RARB: variants seen among roughly 807,000 people sequenced by gnomAD.
RARB encodes retinoic acid receptor beta.
RARB carries 17 observed loss-of-function variants against 51.9 expected under a neutral mutation model. The ratio of observed to expected loss-of-function variants is 0.33; its 90% CI spans 0.22 to 0.49. The LOEUF (loss-of-function observed/expected upper bound fraction) is 0.49, where lower values mean the gene tolerates loss of function less well. Ranked by LOEUF, RARB falls within the 20% of genes least tolerant of loss-of-function variation. The pLI is 0.99. For missense variants in RARB, 369 were observed against 550.8 expected (o/e 0.67, Z 3.30); for synonymous variants, 215 against 195.4 (o/e 1.10, Z -0.84).
intron 5 of RARB, among the ~76,000 whole-genome samples, chr3:25,330,723 T>C (rs1361456352): frequency 6.6e-6 from 1 of 152,130 alleles, no homozygotes; most frequent in East Asian, 1.9e-4. Context: ...ACTGGCAAAT[T>C]GGATAAAGAG....
chr3:24,883,356 T>TTGTGTATG (rs1703207535), intron 2 of RARB, among the ~76,000 whole-genome samples: 1 of 143,672 alleles, frequency 7.0e-6, no homozygotes, highest in Admixed American at 7.0e-5. Flanking sequence ...TCAACAATCA[T>TTGTGTATG]TGTGTGTGTG....
At chr3:25,063,522 T>A (rs942615826) in intron 3 of RARB, among the ~76,000 whole-genome samples, 1 of 151,240 alleles carries the variant, frequency 6.6e-6, no homozygotes, top group Non-Finnish European at 1.5e-5. Context: ...TAAATGCACA[T>A]AAGGTAAAAA....
chr3:25,220,974 C>T (rs1028748483), intron 5 of RARB, among the ~76,000 whole-genome samples: 3 of 151,678 alleles, frequency 2.0e-5, no homozygotes, highest in Non-Finnish European at 2.9e-5. Context: ...TTATGTATGA[C>T]ATTTTTCTTT....
intron 3 of RARB, among the ~76,000 whole-genome samples, chr3:25,506,448 T>G (rs1697602636): frequency 6.6e-6 from 1 of 151,608 alleles, no homozygotes; most frequent in Non-Finnish European, 1.5e-5. Context: ...TCTACAAAAT[T>G]TTTTTAAAAA....
At chr3:24,963,833 A>G (rs1696196025) in intron 2 of RARB, among the ~76,000 whole-genome samples, 1 of 152,110 alleles carries the variant, frequency 6.6e-6, no homozygotes, top group Non-Finnish European at 1.5e-5. Flanking sequence ...AGGTGCAAAC[A>G]ATATTTGATT....
chr3:25,177,911 C>T (rs1048460704), intron 5 of RARB, among the ~76,000 whole-genome samples: 4 of 151,994 alleles, frequency 2.6e-5, no homozygotes, highest in Non-Finnish European at 2.9e-5. Context: ...AGAATGAAGT[C>T]GAAGTCTAAA....
chr3:24,895,529 C>T (rs1703459762), intron 2 of RARB, among the ~76,000 whole-genome samples: 1 of 151,864 alleles, frequency 6.6e-6, no homozygotes. Flanking sequence ...GTTTAAAATG[C>T]ACTCAGGGAA....
intron 2 of RARB, among the ~76,000 whole-genome samples, chr3:24,957,571 T>A (rs2125409230): frequency 6.6e-6 from 1 of 152,344 alleles, no homozygotes; most frequent in Admixed American, 6.5e-5. Flanking sequence ...AAGCTATGAT[T>A]ATTTACAGAA....
At chr3:24,866,714 C>G (rs1417988199) in intron 2 of RARB, among the ~76,000 whole-genome samples, 1 of 152,098 alleles carries the variant, frequency 6.6e-6, no homozygotes, top group African/African-American at 2.4e-5. Flanking sequence ...TTGTAACTGC[C>G]CAATGAGTTC....
intron 5 of RARB, among the ~76,000 whole-genome samples, chr3:25,361,177 C>T (rs937779177): frequency 2.6e-5 from 4 of 152,122 alleles, no homozygotes; most frequent in African/African-American, 7.2e-5. Flanking sequence ...TTGTTCCTTC[C>T]GTTTCATTCT....
chr3:25,587,382 A>ACT (rs10661318), intron 5 of RARB, among the ~76,000 whole-genome samples: 8,529 of 152,264 alleles, frequency 0.056, 420 homozygotes, highest in African/African-American at 0.14. Flanking sequence ...CAAAATAAAC[A>ACT]GTCTTTTAAA....
intron 5 of RARB, among the ~76,000 whole-genome samples, chr3:25,370,458 A>G (rs2125471480): frequency 6.6e-6 from 1 of 152,304 alleles, no homozygotes; most frequent in African/African-American, 2.4e-5. Context: ...GGGCCTTGAA[A>G]AAGGAGTGGG....
At chr3:25,220,576 T>C (rs557142433) in intron 5 of RARB, among the ~76,000 whole-genome samples, 1 of 152,276 alleles carries the variant, frequency 6.6e-6, no homozygotes, top group East Asian at 1.9e-4. Flanking sequence ...GTTCTTGTCT[T>C]AGTGAGTTCT....
chr3:25,112,244 T>A (rs1013681256), intron 3 of RARB, among the ~76,000 whole-genome samples: 2 of 152,124 alleles, frequency 1.3e-5, no homozygotes, highest in African/African-American at 4.8e-5. Context: ...AGTCCTCATA[T>A]CACTGGTGAA....
intron 2 of RARB, among the ~76,000 whole-genome samples, chr3:25,493,709 A>G (rs937804798): frequency 6.6e-6 from 1 of 152,220 alleles, no homozygotes; most frequent in African/African-American, 2.4e-5. Flanking sequence ...CCCAGTTCAC[A>G]TAGATGTACT....
chr3:24,934,394 C>T (rs1208204486), intron 2 of RARB, among the ~76,000 whole-genome samples: 1 of 152,076 alleles, frequency 6.6e-6, no homozygotes. Context: ...TTTTCATGTA[C>T]TGTTCAGATG....
chr3:25,120,527 A>ATCTC (rs138649959), intron 3 of RARB, among the ~76,000 whole-genome samples: 20,112 of 135,974 alleles, frequency 0.15, 1,659 homozygotes, highest in Non-Finnish European at 0.16. Flanking sequence ...ATATATAAAA[A>ATCTC]TCTCTCTCTC....
chr3:25,375,273 A>G (rs1289881147), intron 5 of RARB, among the ~76,000 whole-genome samples: 1 of 152,162 alleles, frequency 6.6e-6, no homozygotes, highest in African/African-American at 2.4e-5. Context: ...ATAACAATGT[A>G]TTTCTACCAC....
At chr3:24,991,821 G>A (rs35401906) in intron 2 of RARB, among the ~76,000 whole-genome samples, 1,994 of 149,606 alleles carry the variant, frequency 0.013, 25 homozygotes, top group Non-Finnish European at 0.021. Flanking sequence ...CTGATACCAC[G>A]TGCTCAGCCA....
Sources: gnomAD v4.1 joint callset for allele counts (sites outside exome capture counted in the v4.1 genomes callset) on GRCh38, gnomAD v4.1.1 for gene constraint, MANE v1.5 for transcripts, NCBI Gene and HGNC (gene_info 2026-07-23, HGNC 2026-07-21) for gene names.